The following SHISA9 variants were observed in gnomAD, a reference collection of about 807,000 sequenced individuals.
SHISA9 encodes shisa family member 9.
A neutral mutation model predicts 38.0 loss-of-function variants in SHISA9; 13 were observed. The observed-to-expected ratio is 0.34, with a 90% CI of 0.22 to 0.54. SHISA9 has a LOEUF of 0.54. Ranked by LOEUF, SHISA9 falls within the 20% of genes least tolerant of loss-of-function variation. The pLI is 0.91. For synonymous variants in SHISA9, 275 were observed against 242.0 expected, an observed-to-expected ratio of 1.14 and a Z score of -1.27; for missense variants, 538 against 575.8, an observed-to-expected ratio of 0.93 and a Z score of 0.67.
intron 2 of SHISA9, among the ~76,000 whole-genome samples, chr16:12,957,192 C>T (rs550176291): frequency 6.6e-6 from 1 of 152,308 alleles, no homozygotes; most frequent in Non-Finnish European, 1.5e-5. Context: ...CCTTGACATT[C>T]TTCTCTAGCA....
chr16:13,360,399 G>A, the SHISA9 span, among the ~76,000 whole-genome samples: 1 of 152,118 alleles, frequency 6.6e-6, no homozygotes, highest in Non-Finnish European at 1.5e-5. Context: ...ACAGATACTG[G>A]GAGGGACCCA....
At chr16:13,131,687 C>T (rs748098610) in intron 2 of SHISA9, among the ~76,000 whole-genome samples, 2 of 152,102 alleles carry the variant, frequency 1.3e-5, no homozygotes, top group African/African-American at 4.8e-5. Flanking sequence ...GCCTATGAGC[C>T]ACACTTCTTC....
the SHISA9 span, among the ~76,000 whole-genome samples, chr16:13,524,510 A>T: frequency 1.3e-5 from 2 of 152,206 alleles, no homozygotes; most frequent in African/African-American, 2.4e-5. Context: ...GACAAGATTA[A>T]TTAGTTCAGT....
At chr16:13,343,079 ATTG>A in the SHISA9 span, among the ~76,000 whole-genome samples, 1 of 152,198 alleles carries the variant, frequency 6.6e-6, no homozygotes, top group East Asian at 1.9e-4. Context: ...CATATTAACT[ATTG>A]TTGTTGTTAA....
chr16:13,475,426 C>T, the SHISA9 span, among the ~76,000 whole-genome samples: 2 of 151,554 alleles, frequency 1.3e-5, no homozygotes, highest in Admixed American at 1.3e-4. Context: ...TACAGGTATC[C>T]CATGACTTTC....
At chr16:13,172,072 C>A (rs548262125) in intron 2 of SHISA9, among the ~76,000 whole-genome samples, 1 of 152,006 alleles carries the variant, frequency 6.6e-6, no homozygotes, top group Non-Finnish European at 1.5e-5. Flanking sequence ...CCCCCCTTTC[C>A]CTCCTTCCCT....
At chr16:13,203,353 G>C (rs749495505) in intron 2 of SHISA9, 41 bp from the exon 3 acceptor site, 144 of 1,480,228 alleles carry the variant, frequency 9.7e-5, no homozygotes, top group Non-Finnish European at 1.2e-4. Flanking sequence ...AGATGGTTCT[G>C]CCCTGTCTGT....
the SHISA9 span, among the ~76,000 whole-genome samples, chr16:13,431,836 G>A: frequency 3.3e-5 from 5 of 152,096 alleles, no homozygotes; most frequent in Non-Finnish European, 5.9e-5. Context: ...TGAGGCGGGC[G>A]GATCACCTGA....
intron 2 of SHISA9, among the ~76,000 whole-genome samples, chr16:13,083,088 G>A (rs2073671309): frequency 6.6e-6 from 1 of 152,176 alleles, no homozygotes; most frequent in Non-Finnish European, 1.5e-5. Flanking sequence ...TGCTCCCCTA[G>A]TGCTGGTGGA....
the SHISA9 span, among the ~76,000 whole-genome samples, chr16:13,539,173 A>G: frequency 0.011 from 1,688 of 151,152 alleles, 37 homozygotes; most frequent in African/African-American, 0.039. Flanking sequence ...TCTGGCACCC[A>G]GGCTGGAGTG....
intron 2 of SHISA9, among the ~76,000 whole-genome samples, chr16:13,085,571 C>A (rs888015602): frequency 2.6e-5 from 4 of 152,154 alleles, no homozygotes; most frequent in African/African-American, 9.7e-5. Flanking sequence ...GGAAGGTTGT[C>A]GCCTGCCCAG....
intron 2 of SHISA9, among the ~76,000 whole-genome samples, chr16:13,198,905 A>T (rs1055777609): frequency 6.6e-6 from 1 of 152,150 alleles, no homozygotes; most frequent in Non-Finnish European, 1.5e-5. Context: ...TTGGTGGGGT[A>T]TTATGGTTGT....
At chr16:13,545,642 C>T in the SHISA9 span, among the ~76,000 whole-genome samples, 1 of 152,198 alleles carries the variant, frequency 6.6e-6, no homozygotes, top group Non-Finnish European at 1.5e-5. Context: ...AACATTCCAC[C>T]TGTTGCGTCC....
intron 3 of SHISA9, among the ~76,000 whole-genome samples, chr16:13,205,632 C>T (rs1028393172): frequency 2.0e-5 from 3 of 152,190 alleles, no homozygotes; most frequent in South Asian, 4.1e-4. Context: ...TGGTAAAGGA[C>T]ATTCATTCAA....
the SHISA9 span, among the ~76,000 whole-genome samples, chr16:13,551,048 T>C: frequency 2.1e-4 from 31 of 150,760 alleles, no homozygotes; most frequent in Non-Finnish European, 3.5e-4. Context: ...CGCTTGAACC[T>C]GGGAGGCGGA....
chr16:13,333,899 A>T, the SHISA9 span, among the ~76,000 whole-genome samples: 18 of 152,292 alleles, frequency 1.2e-4, no homozygotes, highest in Non-Finnish European at 2.4e-4. Flanking sequence ...GATAGCAAAG[A>T]CCTTGCTCTC....
chr16:13,234,297 T>G (rs2051359703), intron 4 of SHISA9, among the ~76,000 whole-genome samples: 1 of 152,232 alleles, frequency 6.6e-6, no homozygotes, highest in Admixed American at 6.5e-5. Flanking sequence ...AACTTATTTA[T>G]AATGACGATG....
the SHISA9 span, among the ~76,000 whole-genome samples, chr16:13,511,816 G>A: frequency 6.6e-6 from 1 of 152,062 alleles, no homozygotes; most frequent in African/African-American, 2.4e-5. Context: ...AGAGAAATCT[G>A]AAGAAATCCC....
At chr16:13,469,653 C>T in the SHISA9 span, among the ~76,000 whole-genome samples, 1 of 152,232 alleles carries the variant, frequency 6.6e-6, no homozygotes, top group Non-Finnish European at 1.5e-5. Flanking sequence ...GAGGCAGTCA[C>T]TCATTCCCTC....
Sources: allele counts gnomAD v4.1 joint callset (sites outside exome capture counted in the v4.1 genomes callset), GRCh38; gene constraint gnomAD v4.1.1; transcripts MANE v1.5; gene names NCBI Gene and HGNC (gene_info 2026-07-23, HGNC 2026-07-21).